GRAMD1B: variants seen among roughly 807,000 people sequenced by gnomAD.
GRAMD1B encodes the protein GRAM domain containing 1B.
A neutral mutation model predicts 99.7 loss-of-function variants in GRAMD1B; 37 were observed. The observed-to-expected ratio is 0.37, with a 90% CI of 0.29 to 0.49. The LOEUF (loss-of-function observed/expected upper bound fraction) is 0.49. GRAMD1B is among the 20% of genes least tolerant of loss of function. GRAMD1B has a pLI of 0.98. For missense variants in GRAMD1B, 888 were observed against 1,009.2 expected, an observed-to-expected ratio of 0.88 and a Z score of 1.63; for synonymous variants, 427 against 387.6, an observed-to-expected ratio of 1.10 and a Z score of -1.19.
rs1165034551 is a variant in GRAMD1B at position 123,610,101 on chromosome 11, G to T, written c.1777-95G>T. On this transcript the variant is annotated intron_variant, in intron 13 of 19. Coordinates refer to ENST00000635736, the MANE Select transcript of GRAMD1B (RefSeq NM_001387025.1). The surrounding 1 kb of genome is among the most constrained non-coding windows in gnomAD (Gnocchi z 4.1). Reference sequence around the variant, plus strand: ...ATCCTGGTTCTCCTGTTCAGAAGCCGTGGGGTGGGGTGGGCTTGGGGAGGC... The same window carrying T: ...ATCCTGGTTCTCCTGTTCAGAAGCCTTGGGGTGGGGTGGGCTTGGGGAGGC... 69 of 1,144,428 alleles carry T rather than the reference G, an allele frequency of 6.0e-5. 2 individuals carry two copies. In the South Asian group the frequency reaches 8.8e-4, roughly 15 times the overall value. The allele number at this position is 1,144,428 out of a possible 1,614,324, so 70.9% of individuals were successfully genotyped here.
At chr11:123,460,878 C>A (rs1950380041) in intron 1 of GRAMD1B, among the ~76,000 whole-genome samples, 1 of 152,140 alleles carries the variant, frequency 6.6e-6, no homozygotes, top group Admixed American at 6.5e-5. Flanking sequence ...CCCTTTAGGA[C>A]CCAAGAATCC....
intron 19 of GRAMD1B, 129 bp from the exon 20 acceptor site, chr11:123,622,377 C>T: frequency 1.6e-6 from 1 of 635,310 alleles, no homozygotes; most frequent in South Asian, 1.6e-5. Context: ...GCTTTAGGTG[C>T]CCGACTCTTT....
intron 2 of GRAMD1B, among the ~76,000 whole-genome samples, chr11:123,497,248 T>G (rs1032189537): frequency 1.3e-5 from 2 of 152,214 alleles, no homozygotes; most frequent in African/African-American, 2.4e-5. Context: ...CTTGTTCTCT[T>G]CCCTTACTTT....
intron 2 of GRAMD1B, among the ~76,000 whole-genome samples, chr11:123,543,300 G>T (rs1458433607): frequency 6.6e-6 from 1 of 152,134 alleles, no homozygotes; most frequent in African/African-American, 2.4e-5. Context: ...TATTTAACTG[G>T]ATCAGTGAAA....
At position 123,625,084 on chromosome 11, in the gene GRAMD1B, C is replaced by T. The variant is rs1955424657; in HGVS notation, c.*2489C>T. The T allele has an allele frequency of 6.6e-6, 1 of 152,202 alleles. No homozygotes were observed. The allele number at this position is 152,202 out of a possible 1,614,324, so 9.4% of individuals were successfully genotyped here. On this transcript the variant is annotated 3_prime_UTR_variant, in exon 20 of 20. Transcript: ENST00000635736. ...TATCATACCAGGAAAAAACCAACAACTCTATTCATTCCCAAACAAAATCTC... is the reference window on the plus strand; with the variant it reads ...TATCATACCAGGAAAAAACCAACAATTCTATTCATTCCCAAACAAAATCTC...
Position 123,492,072 on chromosome 11 carries a change from G to A in GRAMD1B, c.452+11179G>A, listed in dbSNP as rs1053503339. 2.5e-6 allele frequency: 1 copy of A among 395,008 alleles called. No individual in the cohort carries two copies. The highest frequency in any genetic ancestry group is 2.1e-5 in the African/African-American group (1 of 48,536). The allele number at this position is 395,008 out of a possible 1,614,324, so 24.5% of individuals were successfully genotyped here. On this transcript the variant is annotated intron_variant, in intron 2 of 19. Coordinates refer to ENST00000635736, the MANE Select transcript of GRAMD1B (RefSeq NM_001387025.1). The surrounding 1 kb of genome is among the most constrained non-coding windows in gnomAD (Gnocchi z 4.2). ...GGACACTCGGTGATCCATTGCAAGA[G>A]GCTGAAGGGAAAGGCCAAGGGGTAT...
chr11:123,370,454 C>T (rs1310539561), intron 1 of GRAMD1B, among the ~76,000 whole-genome samples: 1 of 150,888 alleles, frequency 6.6e-6, no homozygotes, highest in East Asian at 2.0e-4. Context: ...GATTATCCCA[C>T]CTCAGCCTCC....
intron 19 of GRAMD1B, among the ~76,000 whole-genome samples, chr11:123,622,197 A>G (rs1955217156): frequency 6.6e-6 from 1 of 151,880 alleles, no homozygotes; most frequent in South Asian, 2.1e-4. Context: ...TAATTTTTAA[A>G]TTTTTTATAG....
chr11:123,583,171 G>A (rs1239660937), intron 3 of GRAMD1B, among the ~76,000 whole-genome samples: 1 of 151,834 alleles, frequency 6.6e-6, no homozygotes, highest in Non-Finnish European at 1.5e-5. Flanking sequence ...ATGTGTGGGT[G>A]GTGTGTATGT....
chr11:123,592,564 T>A (rs1592174181), intron 4 of GRAMD1B, among the ~76,000 whole-genome samples: 1 of 152,180 alleles, frequency 6.6e-6, no homozygotes, highest in African/African-American at 2.4e-5. Flanking sequence ...TCACTGGCGA[T>A]CAGGTGGTCA....
intron 1 of GRAMD1B, among the ~76,000 whole-genome samples, chr11:123,443,156 A>G (rs1409301787): frequency 2.0e-5 from 3 of 152,218 alleles, no homozygotes; most frequent in Non-Finnish European, 4.4e-5. Context: ...GCGCTATTCA[A>G]GATGGAGTTG....
chr11:123,362,589 A>G (rs1456972519), intron 1 of GRAMD1B, among the ~76,000 whole-genome samples: 1 of 152,182 alleles, frequency 6.6e-6, no homozygotes, highest in Non-Finnish European at 1.5e-5. Flanking sequence ...GTGATGTACT[A>G]CCTACCTACT....
At chr11:123,395,581 T>G (rs1258078921) in intron 1 of GRAMD1B, among the ~76,000 whole-genome samples, 3 of 152,214 alleles carry the variant, frequency 2.0e-5, no homozygotes, top group Non-Finnish European at 4.4e-5. Context: ...TAGGTTTTAC[T>G]TATCCAAGCA....
chr11:123,554,188 A>G (rs1945911251), intron 2 of GRAMD1B, among the ~76,000 whole-genome samples: 1 of 152,192 alleles, frequency 6.6e-6, no homozygotes, highest in Non-Finnish European at 1.5e-5. Context: ...GGATAAAAGG[A>G]AGGAATACAT....
chr11:123,580,491 G>A (rs964144096), intron 3 of GRAMD1B, among the ~76,000 whole-genome samples: 1 of 152,126 alleles, frequency 6.6e-6, no homozygotes, highest in African/African-American at 2.4e-5. Flanking sequence ...GGGCAAGCTG[G>A]CCAGTGCCTC....
At position 123,423,671 on chromosome 11, in the gene GRAMD1B, G is replaced by T. The variant is rs1948540208; in HGVS notation, c.-175-57145G>T. Among the ~76,000 whole-genome samples the T allele has an allele frequency of 2.6e-5, 4 of 152,064 alleles. No individual in the cohort carries two copies. In the South Asian group the frequency reaches 8.3e-4, roughly 32 times the overall value. ...ATGGAATTATCTCTGTCTTTCTTCT[G>T]CCTGACTTCATTATAGGATATAGCA... On this transcript the variant is annotated intron_variant, in intron 1 of 20. Coordinates refer to the GRAMD1B transcript ENST00000638157.
In GRAMD1B at chr11:123,623,012, CTT is replaced by C. The variant is rs1490073361; in HGVS notation, c.*420_*421del. The C allele has an allele frequency of 6.6e-6, 1 of 152,190 alleles. No homozygotes were observed. The highest frequency in any genetic ancestry group is 2.4e-5 in the African/African-American group (1 of 41,418). The allele number at this position is 152,190 out of a possible 1,614,324, so 9.4% of individuals were successfully genotyped here. A position where few individuals can be genotyped will look rare whatever the true frequency, so the allele number is the denominator to read the frequency against. ...TTAAGGTGCTTCATTCCCTAATCCC[CTT>C]TTGATTTGTTTCCAAAATAAAAGAG... is the stretch of plus-strand genomic sequence containing the variant. On this transcript the variant is annotated 3_prime_UTR_variant, in exon 20 of 20. Coordinates refer to ENST00000635736, the MANE Select transcript of GRAMD1B (RefSeq NM_001387025.1).
intron 1 of GRAMD1B, among the ~76,000 whole-genome samples, chr11:123,431,448 A>G (rs1324142730): frequency 6.6e-5 from 10 of 152,246 alleles, no homozygotes. Context: ...AGCGAAATAA[A>G]TAATAAAAAT....
intron 1 of GRAMD1B, among the ~76,000 whole-genome samples, chr11:123,434,311 A>G (rs1949060652): frequency 6.6e-6 from 1 of 151,986 alleles, no homozygotes; most frequent in Admixed American, 6.6e-5. Flanking sequence ...TCTGGATTCA[A>G]ATTCAAATTC....
Sources: gnomAD v4.1 joint callset for allele counts (sites outside exome capture counted in the v4.1 genomes callset) on GRCh38, gnomAD v4.1.1 for gene constraint, Gnocchi (gnomAD v3.1) non-coding constraint, MANE v1.5 for transcripts, NCBI Gene and HGNC (gene_info 2026-07-23, HGNC 2026-07-21) for gene names.